Variants in NEGR1 observed in about 807,000 individuals in gnomAD.
The protein encoded by NEGR1 is IgLON family member 4.
In NEGR1, 10 loss-of-function variants were observed where a neutral mutation model predicts 40.9. The observed-to-expected ratio is 0.24, with a 90% CI of 0.15 to 0.42. The LOEUF (loss-of-function observed/expected upper bound fraction) is 0.42. Ranked by LOEUF, NEGR1 falls within the 10% of genes least tolerant of loss-of-function variation. The pLI, the probability that NEGR1 is intolerant of heterozygous loss-of-function variation, is 1.00. For missense variants in NEGR1, 352 were observed against 438.9 expected (o/e 0.80, Z 1.77); for synonymous variants, 185 against 166.8 (o/e 1.11, Z -0.84).
intron 2 of NEGR1, among the ~76,000 whole-genome samples, chr1:71,934,878 A>G (rs1034832337): frequency 1.3e-5 from 2 of 152,060 alleles, no homozygotes; most frequent in African/African-American, 4.8e-5. Context: ...AGACTTTTTC[A>G]TTCTGTCTGT....
chr1:72,262,802 T>TA (rs564210627), intron 1 of NEGR1, among the ~76,000 whole-genome samples: 232 of 151,944 alleles, frequency 1.5e-3, no homozygotes, highest in African/African-American at 2.7e-3. Flanking sequence ...CAATCTCTTA[T>TA]AAAAAAAATC....
At chr1:72,080,049 T>C (rs1352283463) in intron 1 of NEGR1, among the ~76,000 whole-genome samples, 1 of 152,102 alleles carries the variant, frequency 6.6e-6, no homozygotes, top group Non-Finnish European at 1.5e-5. Flanking sequence ...AAATACTTTA[T>C]TTAGCAGCCT....
At chr1:71,455,115 A>G (rs1395030666) in intron 6 of NEGR1, among the ~76,000 whole-genome samples, 3 of 152,162 alleles carry the variant, frequency 2.0e-5, no homozygotes, top group Non-Finnish European at 4.4e-5. Context: ...GATGCCATCC[A>G]TTATTTTCCT....
chr1:71,526,912 C>T (rs535777256), intron 6 of NEGR1, among the ~76,000 whole-genome samples: 1 of 151,654 alleles, frequency 6.6e-6, no homozygotes, highest in South Asian at 2.1e-4. Flanking sequence ...AGTTTACACT[C>T]CAGAAATTAT....
At chr1:71,736,410 C>T (rs559907932) in intron 3 of NEGR1, among the ~76,000 whole-genome samples, 4 of 152,154 alleles carry the variant, frequency 2.6e-5, no homozygotes, top group Admixed American at 2.6e-4. Context: ...ATTTTAAATA[C>T]CTACTTTACG....
chr1:72,251,987 T>C (rs1655113983), intron 1 of NEGR1, among the ~76,000 whole-genome samples: 1 of 152,214 alleles, frequency 6.6e-6, no homozygotes, highest in Non-Finnish European at 1.5e-5. Context: ...GCATCTTGGT[T>C]ACAAGTAATT....
At chr1:71,798,366 T>A (rs1363457560) in intron 2 of NEGR1, 1 of 151,796 alleles carries the variant, frequency 6.6e-6, no homozygotes, top group Non-Finnish European at 1.5e-5. Flanking sequence ...CATAAAAAAA[T>A]GACTAAAGAG....
intron 2 of NEGR1, among the ~76,000 whole-genome samples, chr1:71,829,701 A>G (rs1388665820): frequency 1.3e-5 from 2 of 151,992 alleles, no homozygotes; most frequent in Non-Finnish European, 2.9e-5. Context: ...AAACAGAAAC[A>G]AAATATAATA....
intron 3 of NEGR1, among the ~76,000 whole-genome samples, chr1:71,747,663 G>A (rs1655432539): frequency 6.6e-6 from 1 of 151,998 alleles, no homozygotes; most frequent in Non-Finnish European, 1.5e-5. Context: ...GACCTCAAAT[G>A]ATCCACCTGC....
intron 2 of NEGR1, among the ~76,000 whole-genome samples, chr1:71,820,390 T>C (rs1480829435): frequency 6.6e-6 from 1 of 152,136 alleles, no homozygotes; most frequent in South Asian, 2.1e-4. Flanking sequence ...TCCACAATTA[T>C]ATGGTAAGTG....
intron 4 of NEGR1, among the ~76,000 whole-genome samples, chr1:71,692,073 C>A (rs570516040): frequency 6.6e-6 from 1 of 151,608 alleles, no homozygotes; most frequent in Admixed American, 6.6e-5. Context: ...TTTTATTTTT[C>A]TCCTTTCCTG....
At chr1:71,776,390 T>C in intron 2 of NEGR1, 93 bp from the exon 3 acceptor site, 2 of 729,234 alleles carry the variant, frequency 2.7e-6, no homozygotes, top group Non-Finnish European at 2.1e-6. Flanking sequence ...GCAAGAAAGG[T>C]ATGAGGGTGA....
At chr1:71,757,220 C>T (rs1012781910) in intron 3 of NEGR1, among the ~76,000 whole-genome samples, 2 of 151,960 alleles carry the variant, frequency 1.3e-5, no homozygotes, top group Non-Finnish European at 2.9e-5. Context: ...GACTGTCTTC[C>T]CTCTGGACAA....
intron 1 of NEGR1, among the ~76,000 whole-genome samples, chr1:72,137,113 T>C (rs1650497535): frequency 6.6e-6 from 1 of 152,132 alleles, no homozygotes. Flanking sequence ...CTGGAGAGGA[T>C]GTGAAGAAAC....
intron 2 of NEGR1, among the ~76,000 whole-genome samples, chr1:71,863,819 T>C (rs910351178): frequency 3.9e-5 from 6 of 152,148 alleles, no homozygotes; most frequent in Admixed American, 3.3e-4. Flanking sequence ...ACGTGTTGAT[T>C]ATACATAATG....
intron 3 of NEGR1, among the ~76,000 whole-genome samples, chr1:71,756,419 A>C (rs1211618059): frequency 6.6e-6 from 1 of 151,378 alleles, no homozygotes; most frequent in Non-Finnish European, 1.5e-5. Context: ...AACAAAAAAA[A>C]AAAACCAAAA....
chr1:71,948,199 G>T (rs1012318914), intron 1 of NEGR1, among the ~76,000 whole-genome samples: 4 of 151,956 alleles, frequency 2.6e-5, no homozygotes, highest in Non-Finnish European at 5.9e-5. Context: ...AATTTCCATG[G>T]ATCAGCGAAT....
At chr1:72,182,727 A>C (rs1652427906) in intron 1 of NEGR1, among the ~76,000 whole-genome samples, 1 of 151,518 alleles carries the variant, frequency 6.6e-6, no homozygotes, top group African/African-American at 2.4e-5. Flanking sequence ...GATGAAATTA[A>C]AATTTTATAA....
intron 6 of NEGR1, among the ~76,000 whole-genome samples, chr1:71,452,545 A>T (rs1646636288): frequency 6.6e-6 from 1 of 152,198 alleles, no homozygotes; most frequent in African/African-American, 2.4e-5. Context: ...GACTTGAGTA[A>T]TCATTAAATC....
Sources: allele counts gnomAD v4.1 joint callset (sites outside exome capture counted in the v4.1 genomes callset), GRCh38; gene constraint gnomAD v4.1.1; transcripts MANE v1.5; gene names NCBI Gene and HGNC (gene_info 2026-07-23, HGNC 2026-07-21).